SUPV3L1: variants seen among roughly 807,000 people sequenced by gnomAD.
SUPV3L1 encodes Suv3 like RNA helicase, also known as ATP-dependent RNA helicase SUPV3L1, mitochondrial.
A neutral mutation model predicts 70.0 loss-of-function variants in SUPV3L1; 35 were observed. The observed-to-expected ratio is 0.50, with a 90% confidence interval of 0.38 to 0.66. The LOEUF (loss-of-function observed/expected upper bound fraction) is 0.66. Ranked by LOEUF, SUPV3L1 falls within the 30% of genes least tolerant of loss-of-function variation. The probability of loss-of-function intolerance (pLI) is 0.00; values close to 1 mark genes in which losing one functional copy is unlikely to be tolerated. For synonymous variants in SUPV3L1, 364 were observed against 341.9 expected (o/e 1.06, Z -0.71); for missense variants, 777 against 961.5 (o/e 0.81, Z 2.54).
At chr10:69,207,980 G>T in intron 14 of SUPV3L1, 39 bp downstream of exon 14, 1 of 1,595,412 alleles carries the variant, frequency 6.3e-7, no homozygotes, top group Non-Finnish European at 8.5e-7. Context: ...CATTTTTCTA[G>T]TAGGACAAAT....
chr10:69,188,643 C>T (rs568383407), intron 4 of SUPV3L1, among the ~76,000 whole-genome samples: 2 of 152,198 alleles, frequency 1.3e-5, no homozygotes, highest in South Asian at 2.1e-4. Context: ...GGATTACAGG[C>T]GTGTGCTACC....
chr10:69,200,244 A>C lies in SUPV3L1; in HGVS notation c.1299-36A>C, dbSNP rs201620635. 36 of 1,573,598 alleles carry C rather than the reference A, an allele frequency of 2.3e-5. No individual in the cohort carries two copies. The African/African-American group carries it at 4.1e-4, about 18-fold the overall frequency. ...TGACCCAAGTATTGGAGGGTTTTTC[A>C]TACAGTCTGCAGGATCACTTTTATT... is the stretch of plus-strand genomic sequence containing the variant. On this transcript the variant is annotated intron_variant, in intron 10 of 14. Coordinates refer to ENST00000359655, the MANE Select transcript of SUPV3L1 (RefSeq NM_003171.5).
chr10:69,206,331 AG>A (rs1231957742), intron 13 of SUPV3L1, among the ~76,000 whole-genome samples: 1 of 152,206 alleles, frequency 6.6e-6, no homozygotes, highest in African/African-American at 2.4e-5. Flanking sequence ...TCCTCTCTGA[AG>A]TATTAACCTT....
At position 69,198,416 on chromosome 10, in the gene SUPV3L1, T is replaced by C. The variant is rs1231060662; in HGVS notation, c.1068T>C (p.His356=). The change falls in exon 9 of 15, where the codon CAT becomes CAC. Residue 356 remains histidine, a synonymous_variant. Transcript: ENST00000359655. ...TTACCCCCATTTCTGTGCTGGACCATGCACTAGAATCTTTAGATAACCTTC... is the reference window on the plus strand; with the variant it reads ...TTACCCCCATTTCTGTGCTGGACCACGCACTAGAATCTTTAGATAACCTTC... ...KRLTPISVLD[H]ALESLDNLRP... The C allele has an allele frequency of 1.2e-6, 2 of 1,614,058 alleles. No individual in the cohort carries two copies. Among genetic ancestry groups the C allele is most frequent in the East Asian group, 2.2e-5 (1 of 44,870 alleles).
At chr10:69,204,564 A>G (rs2132305933) in intron 13 of SUPV3L1, among the ~76,000 whole-genome samples, 1 of 152,328 alleles carries the variant, frequency 6.6e-6, no homozygotes, top group East Asian at 1.9e-4. Context: ...AAAAAAAATT[A>G]CATAAATAAT....
intron 13 of SUPV3L1, 138 bp downstream of exon 13, chr10:69,203,181 T>A: frequency 1.2e-6 from 1 of 856,774 alleles, no homozygotes; most frequent in East Asian, 2.7e-5. Flanking sequence ...TAAATAGGGG[T>A]TAATAGTAGC....
intron 13 of SUPV3L1, among the ~76,000 whole-genome samples, chr10:69,204,797 A>T (rs1164574869): frequency 2.0e-5 from 3 of 150,148 alleles, no homozygotes; most frequent in Non-Finnish European, 3.0e-5. Flanking sequence ...TTTTTGAGAC[A>T]GAGTCTCACT....
intron 3 of SUPV3L1, among the ~76,000 whole-genome samples, chr10:69,186,975 C>T (rs1175526573): frequency 6.6e-6 from 1 of 152,178 alleles, no homozygotes; most frequent in African/African-American, 2.4e-5. Flanking sequence ...TAGACCTGTA[C>T]CTTGTGCCCA....
chr10:69,201,041 A>G (rs1367373137), intron 11 of SUPV3L1, among the ~76,000 whole-genome samples: 1 of 152,200 alleles, frequency 6.6e-6, no homozygotes. Context: ...TACATGGCTT[A>G]TCTCATTTGT....
chr10:69,191,437 C>T (rs1476216733), intron 5 of SUPV3L1, among the ~76,000 whole-genome samples: 1 of 151,940 alleles, frequency 6.6e-6, no homozygotes, highest in Non-Finnish European at 1.5e-5. Flanking sequence ...TCATGTTGGC[C>T]AGGATGGTCT....
chr10:69,193,744 A>G (rs377351984), intron 6 of SUPV3L1, among the ~76,000 whole-genome samples: 1 of 152,198 alleles, frequency 6.6e-6, no homozygotes, highest in African/African-American at 2.4e-5. Context: ...TGATTGTTCA[A>G]TATAAAATTA....
chr10:69,182,542 G>A (rs1415414781), intron 1 of SUPV3L1: 1 of 985,224 alleles, frequency 1.0e-6, no homozygotes, highest in African/African-American at 1.7e-5. Flanking sequence ...ACCTGAAAAT[G>A]TAAATGTCTT....
At position 69,204,095 on chromosome 10, in the gene SUPV3L1, A is replaced by G. The variant is rs1403149585; in HGVS notation, c.1776+1052A>G. 2.0e-5 allele frequency among the ~76,000 whole-genome samples: 3 copies of G among 152,222 alleles called. No homozygotes were observed. The East Asian group carries it at 5.8e-4, about 29-fold the overall frequency. On this transcript the variant is annotated intron_variant, in intron 13 of 14. Transcript: ENST00000359655. ...CAACAAGAGGGAAAAGGTTAACTAC[A>G]TTATGGCATATCCACTTGATTGGAT...
At chr10:69,207,221 C>T (rs1008481975) in intron 13 of SUPV3L1, among the ~76,000 whole-genome samples, 3 of 151,942 alleles carry the variant, frequency 2.0e-5, no homozygotes, top group African/African-American at 4.8e-5. Context: ...TTAACTGCTC[C>T]TTGTGGAGCA....
At chr10:69,204,150 A>T (rs192176123) in intron 13 of SUPV3L1, among the ~76,000 whole-genome samples, 333 of 152,342 alleles carry the variant, frequency 2.2e-3, no homozygotes, top group African/African-American at 7.5e-3. Context: ...GATAATTATG[A>T]TTATAATGAA....
intron 9 of SUPV3L1, 139 bp downstream of exon 9, chr10:69,198,691 A>T: frequency 1.3e-6 from 1 of 768,876 alleles, no homozygotes; most frequent in South Asian, 2.0e-5. Flanking sequence ...GTCATATAAA[A>T]TAAATAATTT....
Position 69,200,428 on chromosome 10 carries a change from G to A in SUPV3L1, c.1447G>A (p.Val483Ile), listed in dbSNP as rs773846894. The change falls in exon 11 of 15, where the codon GTT (valine) becomes ATT (isoleucine). Residue 483 changes from valine (V) to isoleucine (I), a missense_variant. Coordinates refer to ENST00000359655, the MANE Select transcript of SUPV3L1 (RefSeq NM_003171.5). Reference protein sequence around the residue: ...RFSSRFKEGEVTTMNHEDLSL... With the variant: ...RFSSRFKEGEITTMNHEDLSL... The stretch of plus-strand genomic sequence containing the variant: ...CAGCTCACGGTTTAAAGAAGGAGAG[G>A]TTACAACAATGAATCATGAAGATCT... 5.0e-6 allele frequency: 8 copies of A among 1,613,972 alleles called. No individual in the cohort carries two copies. The South Asian group carries it at 8.8e-5, about 18-fold the overall frequency.
At chr10:69,202,317 C>A in intron 11 of SUPV3L1, 122 bp from the exon 12 acceptor site, 1 of 614,570 alleles carries the variant, frequency 1.6e-6, no homozygotes, top group Non-Finnish European at 2.7e-6. Context: ...AAATTCTTGG[C>A]ATTTACTTCA....
At chr10:69,185,829 C>T (rs140325959) in intron 1 of SUPV3L1, among the ~76,000 whole-genome samples, 158 bp from the exon 2 acceptor site, 1 of 152,202 alleles carries the variant, frequency 6.6e-6, no homozygotes, top group Non-Finnish European at 1.5e-5. Context: ...ACACTCCCAT[C>T]GCATATGAAT....
Sources: gnomAD v4.1 joint callset for allele counts (sites outside exome capture counted in the v4.1 genomes callset) on GRCh38, gnomAD v4.1.1 for gene constraint, MANE v1.5 for transcripts, NCBI Gene and HGNC (gene_info 2026-07-23, HGNC 2026-07-21) for gene names.